DTNBP1: variants seen among roughly 807,000 people sequenced by gnomAD.
DTNBP1 encodes dysbindin.
Under a neutral mutation model 42.8 loss-of-function variants are expected in DTNBP1, and 35 were observed. The observed-to-expected ratio is 0.82, with a 90% CI of 0.63 to 1.09. The LOEUF (loss-of-function observed/expected upper bound fraction) is 1.09. DTNBP1 is among the 50% of genes least tolerant of loss of function. The probability of loss-of-function intolerance (pLI) is 0.00; values close to 1 mark genes in which losing one functional copy is unlikely to be tolerated. For missense variants in DTNBP1, 457 were observed against 424.2 expected, an observed-to-expected ratio of 1.08 and a Z score of -0.68; for synonymous variants, 171 against 162.2, an observed-to-expected ratio of 1.05 and a Z score of -0.41.
chr6:15,649,298 G>C (rs1760855000), intron 3 of DTNBP1, among the ~76,000 whole-genome samples: 1 of 151,950 alleles, frequency 6.6e-6, no homozygotes, highest in Non-Finnish European at 1.5e-5. Flanking sequence ...AACAAAATAT[G>C]GTACATACTT....
chr6:15,557,019 G>GC (rs1389035024), intron 7 of DTNBP1, among the ~76,000 whole-genome samples: 1 of 152,150 alleles, frequency 6.6e-6, no homozygotes, highest in Non-Finnish European at 1.5e-5. Context: ...AGTTGGCCAT[G>GC]CCCCTTGGGT....
At chr6:15,595,769 A>T (rs1776492565) in intron 6 of DTNBP1, among the ~76,000 whole-genome samples, 1 of 152,222 alleles carries the variant, frequency 6.6e-6, no homozygotes, top group Non-Finnish European at 1.5e-5. Flanking sequence ...AAGACGACGC[A>T]GGTTATATTT....
At chr6:15,616,062 C>A (rs893446967) in intron 5 of DTNBP1, among the ~76,000 whole-genome samples, 7 of 152,230 alleles carry the variant, frequency 4.6e-5, no homozygotes, top group Non-Finnish European at 8.8e-5. Context: ...AAACCTTTCA[C>A]TGAGAAGATT....
chr6:15,547,262 G>C (rs1337702325), intron 7 of DTNBP1, among the ~76,000 whole-genome samples: 1 of 152,168 alleles, frequency 6.6e-6, no homozygotes, highest in Non-Finnish European at 1.5e-5. Context: ...CAGAAAACCA[G>C]TGGTTCTCCA....
chr6:15,642,149 C>G (rs564600498), intron 3 of DTNBP1, among the ~76,000 whole-genome samples: 21 of 152,310 alleles, frequency 1.4e-4, no homozygotes, highest in African/African-American at 5.1e-4. Flanking sequence ...AGAGCAGCAA[C>G]ACCCCAGCAA....
At chr6:15,639,800 T>C (rs917662151) in intron 3 of DTNBP1, among the ~76,000 whole-genome samples, 4 of 152,202 alleles carry the variant, frequency 2.6e-5, no homozygotes, top group Non-Finnish European at 4.4e-5. Context: ...AGTGAGGAAA[T>C]AGACTAATTA....
chr6:15,651,480 GAC>G (rs1760993721), intron 2 of DTNBP1, 117 bp from the exon 3 acceptor site: 1 of 1,361,804 alleles, frequency 7.3e-7, no homozygotes, highest in East Asian at 2.4e-5. Context: ...AATCACTAAT[GAC>G]AATTATTAAA....
chr6:15,640,902 T>C (rs1339094593), intron 3 of DTNBP1, among the ~76,000 whole-genome samples: 1 of 152,194 alleles, frequency 6.6e-6, no homozygotes, highest in Non-Finnish European at 1.5e-5. Context: ...CAGGTAGCCA[T>C]GCACTTGTTC....
chr6:15,531,820 G>A (rs1417107038), intron 8 of DTNBP1, among the ~76,000 whole-genome samples: 3 of 152,186 alleles, frequency 2.0e-5, no homozygotes, highest in Non-Finnish European at 2.9e-5. Flanking sequence ...TTTCAGTAGA[G>A]ACGAGGTTTC....
In DTNBP1 at chr6:15,595,716, A is replaced by G. The variant is rs146423349; in HGVS notation, c.489-2635T>C. On this transcript the variant is annotated intron_variant, in intron 6 of 9. Coordinates refer to ENST00000344537, the MANE Select transcript of DTNBP1 (RefSeq NM_032122.5). ...AATGTAAGAGAAGGCAGGGAAAGGC[A>G]TGTCAGTCACAGGCAGCAGTGACTG... is the stretch of plus-strand genomic sequence containing the variant. Among the ~76,000 whole-genome samples, 142 of 152,346 alleles carry G rather than the reference A, an allele frequency of 9.3e-4. 2 individuals carry two copies. In the East Asian group the frequency reaches 0.026, roughly 28 times the overall value.
chr6:15,637,485 T>C (rs994479373), intron 4 of DTNBP1, among the ~76,000 whole-genome samples: 2 of 152,228 alleles, frequency 1.3e-5, no homozygotes, highest in Non-Finnish European at 2.9e-5. Flanking sequence ...CAGAGCATTA[T>C]ATCTACATAA....
chr6:15,613,357 A>ATTCTTTT lies in DTNBP1; in HGVS notation c.488+1909_488+1910insAAAAGAA, dbSNP rs1554168479. On this transcript the variant is annotated intron_variant, in intron 6 of 9. Transcript: ENST00000344537. ...ATGCCCCTTTTTTGACACGGACCCC[A>ATTCTTTT]TTTTTTTTTTTTTTTTTTTTTTTTT... 1.6e-4 allele frequency among the ~76,000 whole-genome samples: 4 copies of ATTCTTTT among 24,306 alleles called. 1 individual carries two copies. The highest frequency in any genetic ancestry group is 4.4e-3 in the South Asian group (2 of 454). The allele number at this position is 24,306 out of a possible 152,430, so 15.9% of individuals were successfully genotyped here.
intron 8 of DTNBP1, among the ~76,000 whole-genome samples, chr6:15,526,447 A>C (rs781370720): frequency 6.6e-6 from 1 of 152,236 alleles, no homozygotes; most frequent in Non-Finnish European, 1.5e-5. Flanking sequence ...AGGCTCAGAA[A>C]ATCACTAAAG....
At chr6:15,550,016 A>G (rs963655759) in intron 7 of DTNBP1, among the ~76,000 whole-genome samples, 1 of 152,200 alleles carries the variant, frequency 6.6e-6, no homozygotes, top group Non-Finnish European at 1.5e-5. Flanking sequence ...TCCTGTCCAA[A>G]GGTGAGGGAA....
At chr6:15,621,428 C>T (rs764605763) in intron 5 of DTNBP1, among the ~76,000 whole-genome samples, 2 of 152,162 alleles carry the variant, frequency 1.3e-5, no homozygotes, top group African/African-American at 2.4e-5. Context: ...GTTCTAGGTA[C>T]AAATTGTACT....
chr6:15,531,132 G>C (rs1316173712), intron 8 of DTNBP1, among the ~76,000 whole-genome samples: 3 of 152,194 alleles, frequency 2.0e-5, no homozygotes, highest in Non-Finnish European at 4.4e-5. Flanking sequence ...AAGGAAGAGA[G>C]CCCTCATCAG....
intron 3 of DTNBP1, among the ~76,000 whole-genome samples, chr6:15,638,053 T>C (rs1231034141): frequency 6.6e-6 from 1 of 152,052 alleles, no homozygotes; most frequent in Non-Finnish European, 1.5e-5. Flanking sequence ...CCTGAGTCCA[T>C]GGTGATGTAA....
chr6:15,662,575 G>GAGCGCCTCCC (rs1332267190), intron 1 of DTNBP1, among the ~76,000 whole-genome samples: 1 of 151,984 alleles, frequency 6.6e-6, no homozygotes, highest in African/African-American at 2.4e-5. Context: ...CTGCGCCGCC[G>GAGCGCCTCCC]AGCGCCTCCC....
chr6:15,610,578 T>C (rs1758336009), intron 6 of DTNBP1, among the ~76,000 whole-genome samples: 2 of 152,228 alleles, frequency 1.3e-5, no homozygotes, highest in South Asian at 4.1e-4. Flanking sequence ...GCTAGGCCTT[T>C]TGCACAAAAT....
Sources: gnomAD v4.1 joint callset for allele counts (sites outside exome capture counted in the v4.1 genomes callset) on GRCh38, gnomAD v4.1.1 for gene constraint, MANE v1.5 for transcripts, NCBI Gene and HGNC (gene_info 2026-07-23, HGNC 2026-07-21) for gene names.